The following AIFM2 variants were observed in gnomAD, a reference collection of about 807,000 sequenced individuals.
AIFM2 encodes AIF family member 2, ferroptosis suppressor, also known as ferroptosis suppressor protein 1.
AIFM2 carries 38 observed loss-of-function variants against 35.7 expected under a neutral mutation model. That is an observed-to-expected ratio of 1.06 (90% CI 0.82 to 1.39). The LOEUF (loss-of-function observed/expected upper bound fraction) is 1.39, where lower values mean the gene tolerates loss of function less well. AIFM2 is among the 40% of genes most tolerant of loss of function. The pLI is 0.00. For synonymous variants in AIFM2, 185 were observed against 203.5 expected (o/e 0.91, Z 0.77); for missense variants, 476 against 491.2 (o/e 0.97, Z 0.29).
At chr10:70,120,031 A>G (rs111497147) in intron 5 of AIFM2, among the ~76,000 whole-genome samples, 123 of 152,322 alleles carry the variant, frequency 8.1e-4, no homozygotes, top group African/African-American at 2.3e-3. Context: ...CCCCACCACC[A>G]TGGGGCTGCT....
Position 70,114,238 on chromosome 10 carries a change from G to C in AIFM2, c.1062C>G (p.Thr354=). The C allele has an allele frequency of 6.2e-7, 1 of 1,613,904 alleles. No individual in the cohort carries two copies. The highest frequency in any genetic ancestry group is 8.5e-7 in the Non-Finnish European group (1 of 1,180,012). Residue 354 remains threonine, a synonymous_variant, in exon 9 of 9, where the codon ACC becomes ACG. Coordinates refer to ENST00000307864, the MANE Select transcript of AIFM2 (RefSeq NM_032797.6). ...TAGAGACGAACAGGTCCCGGCTCTT[G>C]GTCAGCCGAACCATGAGCCGGCCCA... ...FYVGRLMVRL[T]KSRDLFVSTS...
In AIFM2 at chr10:70,117,165, C is replaced by G. The variant is rs561302134; in HGVS notation, c.617-391G>C. 4.6e-5 allele frequency among the ~76,000 whole-genome samples: 7 copies of G among 152,346 alleles called. No homozygotes were observed. The South Asian group carries it at 1.4e-3, about 32-fold the overall frequency. On this transcript the variant is annotated intron_variant, in intron 6 of 8. Coordinates refer to ENST00000307864, the MANE Select transcript of AIFM2 (RefSeq NM_032797.6). This position sits in a 1 kb window ranked among gnomAD's most constrained non-coding sequence, Gnocchi z 4.7. ...AAGGGGAAAGCCAGAGAAAGAGAAG[C>G]CAGCTCGCTACACTCACTGCCTAAA...
chr10:70,116,973 G>A (rs1440055230), intron 6 of AIFM2, among the ~76,000 whole-genome samples, 199 bp from the exon 7 acceptor site: 1 of 152,228 alleles, frequency 6.6e-6, no homozygotes, highest in Non-Finnish European at 1.5e-5. Context: ...TGGCCCCGAG[G>A]GGTCCCTCTG....
At chr10:70,132,368 G>T (rs1023884541) in intron 1 of AIFM2, among the ~76,000 whole-genome samples, 1 of 152,174 alleles carries the variant, frequency 6.6e-6, no homozygotes, top group Non-Finnish European at 1.5e-5. Flanking sequence ...GCGGACCCTC[G>T]GACGGTCCTC....
rs78624846 is a variant in AIFM2, at chr10:70,126,149, G to A, written c.-13-2052C>T. Among the ~76,000 whole-genome samples, 371 of 152,370 alleles carry A rather than the reference G, an allele frequency of 2.4e-3. 1 individual carries two copies. Among genetic ancestry groups the A allele is most frequent in the African/African-American group, 8.5e-3 (355 of 41,594 alleles). Reference sequence around the variant, plus strand: ...GAGGGCTGCTGGTGTGGGAGGAGCCGCACAGCCCATTGAGGGGCACTCTTG... The same window carrying A: ...GAGGGCTGCTGGTGTGGGAGGAGCCACACAGCCCATTGAGGGGCACTCTTG... On this transcript the variant is annotated intron_variant, in intron 1 of 8. Coordinates refer to ENST00000307864, the MANE Select transcript of AIFM2 (RefSeq NM_032797.6).
At position 70,116,762 on chromosome 10, in the gene AIFM2, C is replaced by G; in HGVS notation, c.629G>C (p.Ser210Thr). ...GVQLLLSERV[S>T]NLEELPLNEY... ...ATTGAGAGGCAGCTCCTCCAGATTG[C>G]TCACCCGCTCACCTAGAAGGGGGTT... Residue 210 changes from serine to threonine, a missense_variant, in exon 7 of 9, where the codon AGC becomes ACC. Coordinates refer to ENST00000307864, the MANE Select transcript of AIFM2 (RefSeq NM_032797.6). 6.2e-7 allele frequency: 1 copy of G among 1,614,110 alleles called. No individual in the cohort carries two copies. Among genetic ancestry groups the G allele is most frequent in the Non-Finnish European group, 8.5e-7 (1 of 1,179,980 alleles).
chr10:70,123,613 A>C, intron 2 of AIFM2, 93 bp from the exon 3 acceptor site: 1 of 1,172,446 alleles, frequency 8.5e-7, no homozygotes, highest in Non-Finnish European at 1.3e-6. Context: ...CTGCAAACCA[A>C]CAGGGGTGCC....
At chr10:70,124,947 G>A (rs941085582) in intron 1 of AIFM2, among the ~76,000 whole-genome samples, 5 of 152,232 alleles carry the variant, frequency 3.3e-5, no homozygotes, top group South Asian at 2.1e-4. Flanking sequence ...GGGCCTAATC[G>A]GAGGTGTTTG....
rs2072388281 is a variant in AIFM2, at chr10:70,112,653, C to CCAT, written c.*1522_*1524dup. On this transcript the variant is annotated 3_prime_UTR_variant, in exon 9 of 9. Transcript: ENST00000307864. ...ACTCTGCCCGAGTACCCAGAGGCCA[C>CCAT]CATCAAAAGGGAGCAGGGAGGGGCA... is the stretch of plus-strand genomic sequence containing the variant. 6.6e-6 allele frequency: 1 copy of CCAT among 152,102 alleles called. No individual in the cohort carries two copies. The highest frequency in any genetic ancestry group is 2.4e-5 in the African/African-American group (1 of 41,408). 9.4% of individuals were successfully genotyped at this position (152,102 alleles called of 1,614,324 possible).
intron 1 of AIFM2, among the ~76,000 whole-genome samples, chr10:70,132,211 G>C (rs1403614231): frequency 6.6e-6 from 1 of 152,212 alleles, no homozygotes; most frequent in Admixed American, 6.5e-5. Flanking sequence ...GCTTCGGGAA[G>C]GGAGAAGCAG....
At chr10:70,115,206 A>G (rs16927328) in intron 7 of AIFM2, 86 bp from the exon 8 acceptor site, 67,814 of 1,412,208 alleles carry the variant, frequency 0.048, 2,456 homozygotes, top group African/African-American at 0.17. Context: ...AGCTCTAGAC[A>G]CTGGTCAATA....
At position 70,113,436 on chromosome 10, in the gene AIFM2, A is replaced by G. The variant is rs1464710290; in HGVS notation, c.*742T>C. 1 of 152,296 alleles carries G rather than the reference A, an allele frequency of 6.6e-6. No homozygotes were observed. The allele number at this position is 152,296 out of a possible 1,614,324, so 9.4% of individuals were successfully genotyped here. On this transcript the variant is annotated 3_prime_UTR_variant, in exon 9 of 9. Coordinates refer to ENST00000307864, the MANE Select transcript of AIFM2 (RefSeq NM_032797.6). ...CAGCTACTTGGGAGGCTAAGGCAAG[A>G]GAATCACGTGAACCCAGAAGGCGTA...
intron 1 of AIFM2, among the ~76,000 whole-genome samples, 173 bp from the exon 2 acceptor site, chr10:70,124,270 G>T (rs988182781): frequency 2.0e-5 from 3 of 152,152 alleles, no homozygotes; most frequent in Non-Finnish European, 4.4e-5. Context: ...GAACAAGGGG[G>T]TATCCCACTT....
At chr10:70,122,146 G>C (rs2072516477) in intron 3 of AIFM2, among the ~76,000 whole-genome samples, 1 of 151,996 alleles carries the variant, frequency 6.6e-6, no homozygotes, top group African/African-American at 2.4e-5. Context: ...ACAAAGAAAA[G>C]GAAATCTTGT....
chr10:70,119,760 C>T (rs549738653), intron 5 of AIFM2, among the ~76,000 whole-genome samples: 20 of 152,368 alleles, frequency 1.3e-4, no homozygotes, highest in African/African-American at 4.3e-4. Flanking sequence ...ACATGGCTCT[C>T]AGAAGCCGAT....
At chr10:70,126,776 G>A (rs2072571085) in intron 1 of AIFM2, among the ~76,000 whole-genome samples, 1 of 152,160 alleles carries the variant, frequency 6.6e-6, no homozygotes, top group African/African-American at 2.4e-5. Context: ...GGACAGTAGA[G>A]CGGACGGAGG....
At chr10:70,132,215 G>A (rs1051063570) in intron 1 of AIFM2, among the ~76,000 whole-genome samples, 2 of 152,214 alleles carry the variant, frequency 1.3e-5, no homozygotes, top group Admixed American at 1.3e-4. Context: ...CGGGAAGGGA[G>A]AAGCAGACTT....
rs374856767 is a variant in AIFM2, at chr10:70,121,180, G to A, written c.326C>T (p.Thr109Met). 27 of 1,542,874 alleles carry A rather than the reference G, an allele frequency of 1.7e-5. No individual in the cohort carries two copies. Among genetic ancestry groups the A allele is most frequent in the South Asian group, 5.6e-5 (5 of 89,918 alleles). Residue 109 changes from threonine (T) to methionine (M), a missense_variant, in exon 4 of 9, where the codon ACG (threonine) becomes ATG (methionine). Physicochemically the swap from Thr to Met is moderately conservative, Grantham distance 81 (BLOSUM62 -1). Transcript: ENST00000307864. ...GCCCGGGAAGGGCCCAGTGCTGCCC[G>A]TGGCCAGGATAAGATGAGAGAAGGG... is the stretch of plus-strand genomic sequence containing the variant. ...ALPFSHLILA[T>M]GSTGPFPGKF...
chr10:70,120,369 C>A (rs566297952), intron 5 of AIFM2, 138 bp downstream of exon 5: 438 of 914,516 alleles, frequency 4.8e-4, no homozygotes, highest in Non-Finnish European at 7.0e-4. Context: ...CACCTTGGCA[C>A]AAAACAGAAA....
Sources: allele counts gnomAD v4.1 joint callset (sites outside exome capture counted in the v4.1 genomes callset), GRCh38; gene constraint gnomAD v4.1.1; non-coding constraint Gnocchi (gnomAD v3.1); transcripts MANE v1.5; gene names NCBI Gene and HGNC (gene_info 2026-07-23, HGNC 2026-07-21).